The following MPRIP variants were observed in gnomAD, a reference collection of about 807,000 sequenced individuals.
The protein encoded by MPRIP is myosin phosphatase Rho interacting protein.
MPRIP carries 59 observed loss-of-function variants against 234.9 expected under a neutral mutation model. The ratio of observed to expected loss-of-function variants is 0.25; its 90% CI spans 0.20 to 0.31. The LOEUF is 0.31. Among genes scored for constraint, MPRIP ranks in the 10% least tolerant of loss-of-function variants. MPRIP has a pLI of 1.00. For synonymous variants in MPRIP, 1,144 were observed against 1,263.9 expected (o/e 0.91, Z 2.01); for missense variants, 2,436 against 3,071.0 (o/e 0.79, Z 4.89).
intron 3 of MPRIP, among the ~76,000 whole-genome samples, chr17:17,099,768 A>T (rs1238899500): frequency 6.6e-6 from 1 of 152,136 alleles, no homozygotes; most frequent in African/African-American, 2.4e-5. Flanking sequence ...ATATATAAAG[A>T]TTGGATTTGA....
intron 1 of MPRIP, among the ~76,000 whole-genome samples, chr17:17,050,456 G>A (rs1434065940): frequency 2.6e-5 from 4 of 151,648 alleles, no homozygotes; most frequent in Non-Finnish European, 5.9e-5. Flanking sequence ...CAGCTCAGAC[G>A]AGCCACTTTC....
In MPRIP at chr17:17,126,828, G is replaced by A. The variant is rs762015929; in HGVS notation, c.394G>A (p.Ala132Thr). Residue 132 changes from alanine (A) to threonine (T), a missense_variant, in exon 4 of 24, where the codon GCG becomes ACG. By Grantham distance (58) the Ala-to-Thr change is moderately conservative. Coordinates refer to ENST00000651222, the MANE Select transcript of MPRIP (RefSeq NM_001364716.4). ...GCCTGAGAAGGAGCATTTCATCCGG[G>A]CGGAGACCAAGGAGATCGTCAGTGG... ...LTPEKEHFIR[A>T]ETKEIVSGWL... The A allele has an allele frequency of 6.2e-7, 1 of 1,614,024 alleles. No homozygotes were observed. Among genetic ancestry groups the A allele is most frequent in the African/African-American group, 1.3e-5 (1 of 74,928 alleles).
intron 8 of MPRIP, among the ~76,000 whole-genome samples, chr17:17,143,110 C>A (rs377442123): frequency 1.0e-3 from 152 of 152,328 alleles, no homozygotes; most frequent in African/African-American, 3.6e-3. Flanking sequence ...TCCACTCAGC[C>A]CAAGGTAGAC....
chr17:17,107,204 G>A (rs1333115538), intron 3 of MPRIP, among the ~76,000 whole-genome samples: 1 of 152,240 alleles, frequency 6.6e-6, no homozygotes, highest in Non-Finnish European at 1.5e-5. Flanking sequence ...ATTGGTGTTT[G>A]TGGGTTTTCT....
Position 17,155,573 on chromosome 17 carries a change from C to T in MPRIP, c.1829+1158C>T, listed in dbSNP as rs181960208. Among the ~76,000 whole-genome samples, 612 of 152,344 alleles carry T rather than the reference C, an allele frequency of 4.0e-3. 3 individuals are homozygous for T. Among genetic ancestry groups the T allele is most frequent in the Middle Eastern group, 0.01 (3 of 294 alleles). On this transcript the variant is annotated intron_variant, in intron 13 of 23. Coordinates refer to ENST00000651222, the MANE Select transcript of MPRIP (RefSeq NM_001364716.4). ...GGCACATTCTGTATCCAAACCTTTG[C>T]CTTCTTCCTGCGGACTCCACACCTC...
In MPRIP at chr17:17,138,015, C is replaced by T; in HGVS notation, c.836C>T (p.Ala279Val). ...SLEKTKQDLKAEEQQLPPPLS... is the reference protein window; with the variant it reads ...SLEKTKQDLKVEEQQLPPPLS... ...GAGAAGACCAAACAGGACTTGAAGG[C>T]TGAAGAACAGCAGCTGCCCCCGCCG... is the stretch of plus-strand genomic sequence containing the variant. The change falls in exon 7 of 24, where the codon GCT (alanine) becomes GTT (valine). Residue 279 changes from alanine to valine, a missense_variant. Around this residue, in one of 4 missense-constraint regions of MPRIP, gnomAD observed 267 missense variants for 252.7 expected, o/e 1.06. Coordinates refer to ENST00000651222, the MANE Select transcript of MPRIP (RefSeq NM_001364716.4). The surrounding 1 kb of genome is among the most constrained non-coding windows in gnomAD (Gnocchi z 5.8). 2 of 1,611,886 alleles carry T rather than the reference C, an allele frequency of 1.2e-6. No individual in the cohort carries two copies. The highest frequency in any genetic ancestry group is 1.7e-6 in the Non-Finnish European group (2 of 1,179,332).
chr17:17,167,205 A>T lies in MPRIP; in HGVS notation c.5614A>T (p.Thr1872Ser), dbSNP rs1457730282. Residue 1872 changes from threonine to serine, a missense_variant, in exon 16 of 24, where the codon ACC (threonine) becomes TCC (serine). By Grantham distance (58) the Thr-to-Ser change is moderately conservative. Coordinates refer to ENST00000651222, the MANE Select transcript of MPRIP (RefSeq NM_001364716.4). This position sits in a 1 kb window ranked among gnomAD's most constrained non-coding sequence, Gnocchi z 5.9. Reference protein sequence around the residue: ...ELQLCKESWQTREPSCSEQAQ... With the variant: ...ELQLCKESWQSREPSCSEQAQ... ...CCAGCTCTGCAAGGAGTCCTGGCAA[A>T]CCCGGGAGCCCTCCTGCTCAGAGCA... 5 of 1,303,952 alleles carry T rather than the reference A, an allele frequency of 3.8e-6. No individual in the cohort carries two copies. Among genetic ancestry groups the T allele is most frequent in the Non-Finnish European group, 4.0e-6 (4 of 988,910 alleles). The allele number at this position is 1,303,952 out of a possible 1,614,324, so 80.8% of individuals were successfully genotyped here.
At chr17:17,115,943 TGGTCTTTGCACACGTGTCA>T (rs764469687) in intron 3 of MPRIP, among the ~76,000 whole-genome samples, 12 of 152,262 alleles carry the variant, frequency 7.9e-5, no homozygotes, top group Non-Finnish European at 1.3e-4. Flanking sequence ...TGCCACTGTC[TGGTCTTTGCACACGTGTCA>T]TCCTGTTAAC....
At chr17:17,173,150 G>A (rs937740231) in intron 18 of MPRIP, among the ~76,000 whole-genome samples, 4 of 152,268 alleles carry the variant, frequency 2.6e-5, no homozygotes, top group Admixed American at 6.5e-5. Flanking sequence ...CCAGGCAGCC[G>A]GGCTTGGTCG....
chr17:17,055,049 C>CAAAAAAAAA (rs74955320), intron 1 of MPRIP, among the ~76,000 whole-genome samples: 1 of 125,780 alleles, frequency 8.0e-6, no homozygotes, highest in African/African-American at 2.9e-5. Context: ...GACCCTGTAT[C>CAAAAAAAAA]AAAAAAAAAA....
chr17:17,113,371 T>C (rs8065260), intron 3 of MPRIP, among the ~76,000 whole-genome samples: 6,813 of 152,322 alleles, frequency 0.045, 474 homozygotes, highest in African/African-American at 0.14. Flanking sequence ...CTTTGGGTGC[T>C]TCACATAAGT....
chr17:17,164,268 C>T lies in MPRIP; in HGVS notation c.2677C>T (p.Arg893Trp), dbSNP rs1210011560. 16 of 1,304,146 alleles carry T rather than the reference C, an allele frequency of 1.2e-5. No homozygotes were observed. The highest frequency in any genetic ancestry group is 2.3e-5 in the Admixed American group (1 of 43,552). The allele number at this position is 1,304,146 out of a possible 1,614,324, so 80.8% of individuals were successfully genotyped here. ...CTATGGGGAGGCCAAGGACACGATC[C>T]GGCACCACGAGGCTGAGATCCGGAG... is the stretch of plus-strand genomic sequence containing the variant. ...RSYGEAKDTIRHHEAEIRSLQ... is the reference protein window; with the variant it reads ...RSYGEAKDTIWHHEAEIRSLQ... Residue 893 changes from arginine to tryptophan, a missense_variant, in exon 16 of 24, where the codon CGG (arginine) becomes TGG (tryptophan). Arg to Trp is a moderately radical substitution (Grantham distance 101, BLOSUM62 -3). Transcript: ENST00000651222.
rs1341509947 is a variant in MPRIP, at chr17:17,086,015, C to G, written c.267+7939C>G. Among the ~76,000 whole-genome samples the G allele has an allele frequency of 2.6e-5, 4 of 152,228 alleles. No individual in the cohort carries two copies. In the South Asian group the frequency reaches 8.3e-4, roughly 32 times the overall value. On this transcript the variant is annotated intron_variant, in intron 3 of 23. Transcript: ENST00000651222. ...AGATCACAGACCTGTTCAGGAAAGG[C>G]ACCTCTTCTTGTGCAATCATTTGAT...
At chr17:17,053,281 G>A (rs188030196) in intron 1 of MPRIP, among the ~76,000 whole-genome samples, 1 of 152,206 alleles carries the variant, frequency 6.6e-6, no homozygotes, top group East Asian at 1.9e-4. Flanking sequence ...AATGGAGCAA[G>A]TTACTTAGAG....
intron 13 of MPRIP, 80 bp from the exon 14 acceptor site, chr17:17,158,352 G>A: frequency 1.6e-6 from 2 of 1,255,638 alleles, no homozygotes; most frequent in Non-Finnish European, 2.2e-6. Context: ...CTGGGTTGTG[G>A]CTCAGCATTG....
chr17:17,092,560 T>C (rs1213699420), intron 3 of MPRIP, among the ~76,000 whole-genome samples: 12 of 152,192 alleles, frequency 7.9e-5, no homozygotes, highest in Admixed American at 7.9e-4. Context: ...CTCATCCTTT[T>C]CTTTCTCCTT....
chr17:17,174,449 C>T (rs559169179), intron 19 of MPRIP, among the ~76,000 whole-genome samples: 12 of 152,268 alleles, frequency 7.9e-5, no homozygotes, highest in Non-Finnish European at 1.6e-4. Context: ...TCATCCCAAT[C>T]CTCCAGGATC....
At chr17:17,147,562 C>A (rs980728088) in intron 11 of MPRIP, among the ~76,000 whole-genome samples, 175 bp downstream of exon 11, 2 of 152,174 alleles carry the variant, frequency 1.3e-5, no homozygotes, top group African/African-American at 4.8e-5. Context: ...GTTTCCCAGT[C>A]CCGACCTGGT....
At chr17:17,140,939 C>T (rs1053238502) in intron 7 of MPRIP, among the ~76,000 whole-genome samples, 40 of 152,274 alleles carry the variant, frequency 2.6e-4, no homozygotes, top group African/African-American at 9.1e-4. Context: ...GCTTGCTGTC[C>T]CACCTGCAGC....
Sources: allele counts gnomAD v4.1 joint callset (sites outside exome capture counted in the v4.1 genomes callset), GRCh38; gene constraint gnomAD v4.1.1; regional missense constraint gnomAD v4.1.1; non-coding constraint Gnocchi (gnomAD v3.1); transcripts MANE v1.5; gene names NCBI Gene and HGNC (gene_info 2026-07-23, HGNC 2026-07-21).